The following GPATCH2 variants were observed in gnomAD, a reference collection of about 807,000 sequenced individuals.
GPATCH2 encodes the protein G patch domain-containing protein 2.
A neutral mutation model predicts 58.0 loss-of-function variants in GPATCH2; 51 were observed. That is an observed-to-expected ratio of 0.88 (90% CI 0.70 to 1.11). The LOEUF is 1.11. Among genes scored for constraint, GPATCH2 ranks in the 50% most tolerant of loss-of-function variants. GPATCH2 has a pLI of 0.00. For missense variants in GPATCH2, 625 were observed against 652.2 expected, an observed-to-expected ratio of 0.96 and a Z score of 0.45; for synonymous variants, 222 against 218.5, an observed-to-expected ratio of 1.02 and a Z score of -0.14.
At chr1:217,530,867 C>T (rs1664152176) in intron 5 of GPATCH2, among the ~76,000 whole-genome samples, 1 of 152,068 alleles carries the variant, frequency 6.6e-6, no homozygotes, top group Admixed American at 6.6e-5. Context: ...TAAAATAAAA[C>T]ACAGAAGTAT....
chr1:217,601,571 C>T lies in GPATCH2; in HGVS notation c.1098+8750G>A, dbSNP rs572360245. 2.0e-4 allele frequency among the ~76,000 whole-genome samples: 30 copies of T among 152,116 alleles called. No homozygotes were observed. The East Asian group carries it at 5.4e-3, about 27-fold the overall frequency. ...GGAATCAGGAGAGATGGCTAAAACCCATCCCACCAACTTCTTGAATGAACA... is the reference window on the plus strand; with the variant it reads ...GGAATCAGGAGAGATGGCTAAAACCTATCCCACCAACTTCTTGAATGAACA... On this transcript the variant is annotated intron_variant, in intron 5 of 9. Transcript: ENST00000366935.
At chr1:217,624,609 A>G (rs538934162) in intron 1 of GPATCH2, among the ~76,000 whole-genome samples, 1 of 152,374 alleles carries the variant, frequency 6.6e-6, no homozygotes, top group South Asian at 2.1e-4. Flanking sequence ...ACACTGATGC[A>G]TCAGAAGACC....
chr1:217,585,697 C>G (rs918682599), intron 5 of GPATCH2, among the ~76,000 whole-genome samples: 1 of 152,124 alleles, frequency 6.6e-6, no homozygotes, highest in Admixed American at 6.6e-5. Flanking sequence ...CAGAGACTCA[C>G]AAGATTGCTT....
At chr1:217,518,717 C>G (rs1175753783) in intron 5 of GPATCH2, among the ~76,000 whole-genome samples, 2 of 152,192 alleles carry the variant, frequency 1.3e-5, no homozygotes, top group African/African-American at 4.8e-5. Flanking sequence ...CATGTCCACA[C>G]GTAAGAACAA....
At chr1:217,547,456 T>C (rs1033645855) in intron 5 of GPATCH2, among the ~76,000 whole-genome samples, 4 of 152,042 alleles carry the variant, frequency 2.6e-5, no homozygotes, top group African/African-American at 4.8e-5. Flanking sequence ...TTGTGCGAGA[T>C]AGTGTGGCAA....
chr1:217,571,952 G>GGAAGGAAGGAAGGAAGGAAAGAAAGAAA (rs1666576297), intron 5 of GPATCH2, among the ~76,000 whole-genome samples: 8 of 134,994 alleles, frequency 5.9e-5, no homozygotes, highest in Non-Finnish European at 1.1e-4. Flanking sequence ...AGAAAAGGGA[G>GGAAGGAAGGAAGGAAGGAAAGAAAGAAA]GAAGGAAGGA....
At chr1:217,431,616 C>A (rs1658538174) in intron 9 of GPATCH2, among the ~76,000 whole-genome samples, 1 of 152,230 alleles carries the variant, frequency 6.6e-6, no homozygotes, top group Non-Finnish European at 1.5e-5. Flanking sequence ...TTTGTTTCCT[C>A]ATCTGTGAAA....
chr1:217,609,557 G>T, intron 5 of GPATCH2: 1 of 984,734 alleles, frequency 1.0e-6, no homozygotes, highest in Non-Finnish European at 1.2e-6. Flanking sequence ...AATACAAGCA[G>T]ATTACCCAAG....
At chr1:217,598,606 C>G (rs376696908) in intron 5 of GPATCH2, among the ~76,000 whole-genome samples, 27 of 151,946 alleles carry the variant, frequency 1.8e-4, no homozygotes, top group African/African-American at 6.3e-4. Flanking sequence ...GTGCCTGCCA[C>G]AGGTACCTGC....
At chr1:217,562,314 A>C (rs907578678) in intron 5 of GPATCH2, among the ~76,000 whole-genome samples, 1 of 152,246 alleles carries the variant, frequency 6.6e-6, no homozygotes, top group South Asian at 2.1e-4. Context: ...TCGGCAGGAA[A>C]ATTTTCCTAA....
chr1:217,628,282 T>C (rs1006046731), intron 1 of GPATCH2, among the ~76,000 whole-genome samples: 7 of 151,964 alleles, frequency 4.6e-5, no homozygotes, highest in African/African-American at 1.7e-4. Context: ...TTCTGCTACA[T>C]TAACAAGCCA....
intron 8 of GPATCH2, among the ~76,000 whole-genome samples, chr1:217,453,403 G>A (rs1477812738): frequency 6.6e-6 from 1 of 152,182 alleles, no homozygotes. Context: ...GAAGTGGAAA[G>A]GATAAAGAAA....
At chr1:217,532,898 T>TG (rs1386385351) in intron 5 of GPATCH2, among the ~76,000 whole-genome samples, 2 of 10,834 alleles carry the variant, frequency 1.8e-4, no homozygotes, top group South Asian at 2.7e-3. Context: ...TTTTTTTTTT[T>TG]TGTTTTTTTT....
At chr1:217,597,494 A>T (rs1173903207) in intron 5 of GPATCH2, among the ~76,000 whole-genome samples, 3 of 152,116 alleles carry the variant, frequency 2.0e-5, no homozygotes, top group Non-Finnish European at 4.4e-5. Flanking sequence ...AAAGTTCACA[A>T]ATTGGAGGCT....
At chr1:217,615,982 T>C (rs1448602150) in intron 2 of GPATCH2, among the ~76,000 whole-genome samples, 1 of 152,092 alleles carries the variant, frequency 6.6e-6, no homozygotes, top group Non-Finnish European at 1.5e-5. Context: ...TGACTAAAAG[T>C]AATGTGATAT....
chr1:217,596,110 G>C (rs1250498727), intron 5 of GPATCH2, among the ~76,000 whole-genome samples: 1 of 152,034 alleles, frequency 6.6e-6, no homozygotes, highest in Middle Eastern at 3.2e-3. Context: ...TTGATAGAAG[G>C]AAGGATGAAG....
chr1:217,556,835 A>G (rs1228451467), intron 5 of GPATCH2, among the ~76,000 whole-genome samples: 5 of 152,202 alleles, frequency 3.3e-5, no homozygotes, highest in South Asian at 2.1e-4. Context: ...GGGGAAGCCA[A>G]TGATCCTTAC....
In GPATCH2 at chr1:217,428,458, G is replaced by T. The variant is rs1235965085; in HGVS notation, c.*2687C>A. Reference sequence around the variant, plus strand: ...TCAGATGGTGAAAGACATTTGATTTGCACTAAAAAATTCGTATTTTAATTG... The same window carrying T: ...TCAGATGGTGAAAGACATTTGATTTTCACTAAAAAATTCGTATTTTAATTG... On this transcript the variant is annotated 3_prime_UTR_variant, in exon 10 of 10. Transcript: ENST00000366935. The T allele has an allele frequency of 6.6e-6, 1 of 152,102 alleles. No individual in the cohort carries two copies. The highest frequency in any genetic ancestry group is 6.6e-5 in the Admixed American group (1 of 15,262). The allele number at this position is 152,102 out of a possible 1,614,324, so 9.4% of individuals were successfully genotyped here. A position where few individuals can be genotyped will look rare whatever the true frequency, so the allele number is the denominator to read the frequency against.
At chr1:217,598,625 C>A (rs113307494) in intron 5 of GPATCH2, among the ~76,000 whole-genome samples, 1 of 151,430 alleles carries the variant, frequency 6.6e-6, no homozygotes, top group African/African-American at 2.4e-5. Flanking sequence ...GCCACCACAC[C>A]CGGCTAATTT....
Sources: gnomAD v4.1 joint callset for allele counts (sites outside exome capture counted in the v4.1 genomes callset) on GRCh38, gnomAD v4.1.1 for gene constraint, MANE v1.5 for transcripts, NCBI Gene and HGNC (gene_info 2026-07-23, HGNC 2026-07-21) for gene names.